Variants in PHACTR1 observed in about 807,000 individuals in gnomAD.
PHACTR1 encodes the protein phosphatase and actin regulator 1.
A neutral mutation model predicts 69.2 loss-of-function variants in PHACTR1; 16 were observed. The ratio of observed to expected loss-of-function variants is 0.23; its 90% CI spans 0.16 to 0.35. PHACTR1 has a LOEUF of 0.35. Ranked by LOEUF, PHACTR1 falls within the 10% of genes least tolerant of loss-of-function variation. The pLI, the probability that PHACTR1 is intolerant of heterozygous loss-of-function variation, is 1.00. For missense variants in PHACTR1, 510 were observed against 734.7 expected, an observed-to-expected ratio of 0.69 and a Z score of 3.54; for synonymous variants, 312 against 284.5, an observed-to-expected ratio of 1.10 and a Z score of -0.97.
intron 5 of PHACTR1, among the ~76,000 whole-genome samples, chr6:13,062,064 G>A (rs987083199): frequency 6.6e-6 from 1 of 152,154 alleles, no homozygotes; most frequent in African/African-American, 2.4e-5. Flanking sequence ...GCTTCTGTCA[G>A]CTTCACGTAA....
At chr6:13,071,032 A>G (rs1402351279) in intron 5 of PHACTR1, among the ~76,000 whole-genome samples, 1 of 152,020 alleles carries the variant, frequency 6.6e-6, no homozygotes, top group Non-Finnish European at 1.5e-5. Flanking sequence ...CTGGAAGGTC[A>G]TGTTTAAAGG....
intron 4 of PHACTR1, among the ~76,000 whole-genome samples, chr6:12,773,189 G>A (rs1293187393): frequency 6.6e-6 from 1 of 152,036 alleles, no homozygotes; most frequent in Non-Finnish European, 1.5e-5. Flanking sequence ...TTTTGCACAG[G>A]GTTTTTTAAA....
At chr6:13,001,784 C>T (rs1263637393) in intron 4 of PHACTR1, among the ~76,000 whole-genome samples, 1 of 152,202 alleles carries the variant, frequency 6.6e-6, no homozygotes, top group African/African-American at 2.4e-5. Context: ...TCCTAATCCT[C>T]CTGATCATGC....
At position 12,821,483 on chromosome 6, in the gene PHACTR1, AAG is replaced by A. The variant is rs138381209; in HGVS notation, c.250+71713_250+71714del. Reference sequence around the variant, plus strand: ...ACATCAAAAAAAAAAAAAAAAAAAAAAGAGAGAGAGAGAGAGAGAGAAGTTAA... The same window carrying A: ...ACATCAAAAAAAAAAAAAAAAAAAAAAGAGAGAGAGAGAGAGAGAAGTTAA... On this transcript the variant is annotated intron_variant, in intron 4 of 14. Coordinates refer to ENST00000332995, the MANE Select transcript of PHACTR1 (RefSeq NM_030948.6). Among the ~76,000 whole-genome samples the A allele has an allele frequency of 4.8e-3, 460 of 95,782 alleles. 14 individuals are homozygous for A. The highest frequency in any genetic ancestry group is 0.029 in the Middle Eastern group (4 of 138). 62.8% of individuals were successfully genotyped at this position (95,782 alleles called of 152,430 possible).
At chr6:13,106,949 AT>A (rs1816253653) in intron 5 of PHACTR1, among the ~76,000 whole-genome samples, 1 of 152,164 alleles carries the variant, frequency 6.6e-6, no homozygotes, top group African/African-American at 2.4e-5. Flanking sequence ...ACTGGATTAA[AT>A]TTGATAGTAT....
intron 4 of PHACTR1, among the ~76,000 whole-genome samples, chr6:13,040,778 A>C (rs1308318736): frequency 6.6e-6 from 1 of 152,190 alleles, no homozygotes; most frequent in Admixed American, 6.5e-5. Flanking sequence ...ATTATACTAG[A>C]GTTTCCATGT....
chr6:12,896,801 T>C (rs1784716570), intron 4 of PHACTR1, among the ~76,000 whole-genome samples: 1 of 152,226 alleles, frequency 6.6e-6, no homozygotes, highest in Non-Finnish European at 1.5e-5. Flanking sequence ...CATGTGGTTC[T>C]TTCTTGCCTT....
intron 4 of PHACTR1, among the ~76,000 whole-genome samples, chr6:12,830,765 T>C (rs1174607423): frequency 6.6e-6 from 1 of 151,872 alleles, no homozygotes; most frequent in Non-Finnish European, 1.5e-5. Context: ...ATTTTTTTTG[T>C]ATTTTTTTTT....
intron 4 of PHACTR1, among the ~76,000 whole-genome samples, chr6:12,982,767 G>T (rs1412378845): frequency 6.6e-6 from 1 of 152,148 alleles, no homozygotes; most frequent in Non-Finnish European, 1.5e-5. Context: ...AACAACTGGG[G>T]TCCAAACTCC....
At chr6:12,759,344 A>G (rs1227792699) in intron 4 of PHACTR1, among the ~76,000 whole-genome samples, 1 of 152,046 alleles carries the variant, frequency 6.6e-6, no homozygotes, top group Non-Finnish European at 1.5e-5. Context: ...AATGCGAATT[A>G]TGACCTACCT....
intron 4 of PHACTR1, among the ~76,000 whole-genome samples, chr6:12,845,814 C>G (rs947176355): frequency 3.3e-5 from 5 of 152,126 alleles, no homozygotes; most frequent in African/African-American, 1.2e-4. Context: ...AGGCAGTATT[C>G]TCTTAGGCTC....
At chr6:13,147,555 A>G (rs1823597510) in intron 5 of PHACTR1, among the ~76,000 whole-genome samples, 1 of 152,210 alleles carries the variant, frequency 6.6e-6, no homozygotes. Context: ...GAAAGAGACT[A>G]AGCAAGTGTT....
At chr6:13,021,906 C>A (rs917828286) in intron 4 of PHACTR1, among the ~76,000 whole-genome samples, 1 of 152,224 alleles carries the variant, frequency 6.6e-6, no homozygotes, top group Non-Finnish European at 1.5e-5. Flanking sequence ...CCTTTTACAG[C>A]TGGAATTACT....
At chr6:13,124,403 C>G (rs1173818105) in intron 5 of PHACTR1, among the ~76,000 whole-genome samples, 1 of 152,154 alleles carries the variant, frequency 6.6e-6, no homozygotes, top group Non-Finnish European at 1.5e-5. Context: ...ACAAAATCAT[C>G]CGAGAGCATT....
chr6:13,087,151 AT>A (rs928191383), intron 5 of PHACTR1, among the ~76,000 whole-genome samples: 3 of 147,472 alleles, frequency 2.0e-5, no homozygotes, highest in East Asian at 1.9e-4. Flanking sequence ...TAACATATAT[AT>A]TTTTATATAT....
intron 4 of PHACTR1, among the ~76,000 whole-genome samples, chr6:13,042,150 A>G (rs1438862898): frequency 6.6e-6 from 1 of 152,264 alleles, no homozygotes; most frequent in East Asian, 1.9e-4. Context: ...TTGAGAAAAT[A>G]GTACCATAGT....
chr6:13,274,076 G>A (rs1462983930), intron 11 of PHACTR1: 2 of 152,364 alleles, frequency 1.3e-5, no homozygotes, highest in African/African-American at 4.8e-5. Flanking sequence ...GGTGGGTGCT[G>A]GGTTCCGCTT....
intron 5 of PHACTR1, among the ~76,000 whole-genome samples, chr6:13,069,108 A>G (rs1179665902): frequency 2.0e-5 from 3 of 152,158 alleles, no homozygotes; most frequent in Non-Finnish European, 4.4e-5. Context: ...GTTAACTTTC[A>G]AAAGAAAACA....
intron 5 of PHACTR1, among the ~76,000 whole-genome samples, chr6:13,105,461 A>G (rs1348646229): frequency 6.6e-6 from 1 of 152,042 alleles, no homozygotes; most frequent in African/African-American, 2.4e-5. Flanking sequence ...AGTTCCAAAA[A>G]GGTTTTTTCC....
Sources: allele counts gnomAD v4.1 joint callset (sites outside exome capture counted in the v4.1 genomes callset), GRCh38; gene constraint gnomAD v4.1.1; transcripts MANE v1.5; gene names NCBI Gene and HGNC (gene_info 2026-07-23, HGNC 2026-07-21).